The following SLC29A3 variants were observed in gnomAD, a reference collection of about 807,000 sequenced individuals.
The protein encoded by SLC29A3 is equilibrative nucleoside transporter 3.
A neutral mutation model predicts 25.4 loss-of-function variants in SLC29A3; 18 were observed. That is an observed-to-expected ratio of 0.71 (90% CI 0.49 to 1.05). The LOEUF (loss-of-function observed/expected upper bound fraction) is 1.05. SLC29A3 is among the 50% of genes least tolerant of loss of function. The probability of loss-of-function intolerance (pLI) is 0.00; values close to 1 mark genes in which losing one functional copy is unlikely to be tolerated. For missense variants in SLC29A3, 586 were observed against 609.0 expected (o/e 0.96, Z 0.40); for synonymous variants, 258 against 267.1 (o/e 0.97, Z 0.33).
downstream of SLC29A3, among the ~76,000 whole-genome samples, chr10:71,367,626 C>T (rs1334858167): frequency 6.6e-6 from 1 of 152,224 alleles, no homozygotes; most frequent in African/African-American, 2.4e-5. Flanking sequence ...AGGGCAGCCT[C>T]AGCCTGAGAT....
intron 4 of SLC29A3, among the ~76,000 whole-genome samples, chr10:71,355,829 C>T (rs1009734404): frequency 1.3e-5 from 2 of 152,194 alleles, no homozygotes; most frequent in African/African-American, 4.8e-5. Flanking sequence ...CATGTGCCAC[C>T]TCAGGCAGCA....
At chr10:71,379,405 A>G (rs1371641471) in intron 4 of SLC29A3, among the ~76,000 whole-genome samples, 9 of 152,226 alleles carry the variant, frequency 5.9e-5, no homozygotes, top group Non-Finnish European at 1.3e-4. Context: ...GTAACAGCCA[A>G]TGTCCCAAAC....
At chr10:71,371,104 T>TTGAAATGTA (rs1471346079) in intron 3 of SLC29A3, among the ~76,000 whole-genome samples, 2 of 152,156 alleles carry the variant, frequency 1.3e-5, no homozygotes, top group African/African-American at 4.8e-5. Context: ...TCTAGCTATT[T>TTGAAATGTA]TGAAATGTAT....
At chr10:71,354,233 C>T (rs1341864782) in intron 4 of SLC29A3, among the ~76,000 whole-genome samples, 1 of 152,150 alleles carries the variant, frequency 6.6e-6, no homozygotes, top group Non-Finnish European at 1.5e-5. Context: ...TTCATCACAG[C>T]CCTACGAGGT....
At chr10:71,345,185 A>G (rs571842452) in intron 3 of SLC29A3, among the ~76,000 whole-genome samples, 1 of 152,204 alleles carries the variant, frequency 6.6e-6, no homozygotes, top group African/African-American at 2.4e-5. Flanking sequence ...ATATTATGTC[A>G]TGGGGATATT....
chr10:71,370,821 G>A (rs1847206526), intron 3 of SLC29A3, among the ~76,000 whole-genome samples: 1 of 151,888 alleles, frequency 6.6e-6, no homozygotes, highest in South Asian at 2.1e-4. Context: ...ATATTTTCAG[G>A]GTACATATGA....
chr10:71,331,302 G>C (rs929797242), intron 2 of SLC29A3, among the ~76,000 whole-genome samples: 2 of 152,132 alleles, frequency 1.3e-5, no homozygotes, highest in Admixed American at 1.3e-4. Context: ...CGTGGAGGAT[G>C]GGGGGAGAGA....
Position 71,362,506 on chromosome 10 carries a change from C to T in SLC29A3, c.1326C>T (p.Pro442=), listed in dbSNP as rs759673817. 14 of 1,614,220 alleles carry T rather than the reference C, an allele frequency of 8.7e-6. No homozygotes were observed. Among genetic ancestry groups the T allele is most frequent in the Non-Finnish European group, 1.2e-5 (14 of 1,180,056 alleles). The change falls in exon 6 of 6, where the codon CCC becomes CCT. Residue 442 remains proline, a synonymous_variant. Transcript: ENST00000373189. ...TCCTCTACGGGCCTAAGATTGTGCC[C>T]AGGGAGCTGGCTGAGGCCACGGGAG... ...LALLYGPKIV[P]RELAEATGVV... is the part of the protein sequence containing the mutation.
intron 4 of SLC29A3, among the ~76,000 whole-genome samples, chr10:71,377,343 C>CT (rs1847260407): frequency 6.6e-6 from 1 of 152,238 alleles, no homozygotes; most frequent in Non-Finnish European, 1.5e-5. Context: ...GTCCGCAAAA[C>CT]CACCCAGTTC....
chr10:71,362,184 A>AG lies in SLC29A3; in HGVS notation c.1007dup (p.Ser337PhefsTer23). On this transcript the variant is annotated frameshift_variant, in exon 6 of 6. Transcript: ENST00000373189. LOFTEE classifies it high-confidence loss of function. ...TGCACCAACATCGAGTCCCTCAACAAGGGTTCGGGCTCACTGTGGACCACC... is the reference window on the plus strand; with the variant it reads ...TGCACCAACATCGAGTCCCTCAACAAGGGGTTCGGGCTCACTGTGGACCACC... The AG allele has an allele frequency of 5.0e-6, 8 of 1,614,026 alleles. No individual in the cohort carries two copies. Among genetic ancestry groups the AG allele is most frequent in the Non-Finnish European group, 6.8e-6 (8 of 1,179,988 alleles).
chr10:71,327,088 C>T (rs950671696), intron 2 of SLC29A3, among the ~76,000 whole-genome samples: 1 of 152,204 alleles, frequency 6.6e-6, no homozygotes, highest in African/African-American at 2.4e-5. Flanking sequence ...CTAGCCACCA[C>T]CTGCAACTCA....
At chr10:71,369,701 G>A (rs780692) in intron 3 of SLC29A3, among the ~76,000 whole-genome samples, 78,078 of 152,092 alleles carry the variant, frequency 0.51, 21,508 homozygotes, top group Middle Eastern at 0.63. Flanking sequence ...CAAAGTAAAG[G>A]GAGGCACTGA....
chr10:71,352,236 A>C (rs1177960615), intron 4 of SLC29A3, among the ~76,000 whole-genome samples: 1 of 152,100 alleles, frequency 6.6e-6, no homozygotes, highest in Non-Finnish European at 1.5e-5. Flanking sequence ...TCCAGGCAGA[A>C]GCTTTATTTC....
At chr10:71,346,967 C>A (rs1223059468) in intron 3 of SLC29A3, among the ~76,000 whole-genome samples, 1 of 152,160 alleles carries the variant, frequency 6.6e-6, no homozygotes, top group African/African-American at 2.4e-5. Flanking sequence ...GATGGCTCAG[C>A]AGTTACAGGA....
At chr10:71,359,254 T>A (rs541341225) in intron 5 of SLC29A3, among the ~76,000 whole-genome samples, 7 of 152,232 alleles carry the variant, frequency 4.6e-5, no homozygotes, top group Admixed American at 1.3e-4. Flanking sequence ...AGGGTCTGGA[T>A]CTGTGGGCTC....
At chr10:71,333,652 G>T (rs937646743) in intron 2 of SLC29A3, among the ~76,000 whole-genome samples, 4 of 152,268 alleles carry the variant, frequency 2.6e-5, no homozygotes, top group Non-Finnish European at 5.9e-5. Context: ...CCCTCTGGGG[G>T]ATGCAGAAGC....
At chr10:71,373,685 C>T (rs1174316326) in intron 3 of SLC29A3, among the ~76,000 whole-genome samples, 1 of 152,172 alleles carries the variant, frequency 6.6e-6, no homozygotes, top group Non-Finnish European at 1.5e-5. Context: ...TCTGTAGGAC[C>T]AAAGGGACAT....
rs1304289036 is a variant in SLC29A3, at chr10:71,343,001, A to G, written c.301-1208A>G. On this transcript the variant is annotated intron_variant, in intron 2 of 5. Coordinates refer to ENST00000373189, the MANE Select transcript of SLC29A3 (RefSeq NM_018344.6). ...TCTTTCTTTCTGTTATTTTTTAGAG[A>G]TGGGGTCTCACTCTGTTGCCCAGGC... 3.3e-5 allele frequency among the ~76,000 whole-genome samples: 5 copies of G among 152,262 alleles called. No homozygotes were observed. The East Asian group carries it at 9.7e-4, about 29-fold the overall frequency.
intron 2 of SLC29A3, among the ~76,000 whole-genome samples, chr10:71,333,150 C>A (rs1181611241): frequency 6.6e-6 from 1 of 152,220 alleles, no homozygotes; most frequent in African/African-American, 2.4e-5. Flanking sequence ...AGAGTCTCCA[C>A]CAAGGAGCCC....
Sources: gnomAD v4.1 joint callset for allele counts (sites outside exome capture counted in the v4.1 genomes callset) on GRCh38, gnomAD v4.1.1 for gene constraint, MANE v1.5 for transcripts, NCBI Gene and HGNC (gene_info 2026-07-23, HGNC 2026-07-21) for gene names.